GAB2: variants seen among roughly 807,000 people sequenced by gnomAD.
GAB2 encodes the protein GRB2-associated-binding protein 2.
Under a neutral mutation model 65.5 loss-of-function variants are expected in GAB2, and 26 were observed. The ratio of observed to expected loss-of-function variants is 0.40; its 90% CI spans 0.29 to 0.55. The LOEUF (loss-of-function observed/expected upper bound fraction) is 0.55, where lower values mean the gene tolerates loss of function less well. Among genes scored for constraint, GAB2 ranks in the 20% least tolerant of loss-of-function variants. The probability of loss-of-function intolerance (pLI) is 0.53; values close to 1 mark genes in which losing one functional copy is unlikely to be tolerated. For missense variants in GAB2, 884 were observed against 875.8 expected, an observed-to-expected ratio of 1.01 and a Z score of -0.12; for synonymous variants, 321 against 329.6, an observed-to-expected ratio of 0.97 and a Z score of 0.28.
At chr11:78,364,734 A>G (rs1672236455) in intron 1 of GAB2, among the ~76,000 whole-genome samples, 1 of 152,200 alleles carries the variant, frequency 6.6e-6, no homozygotes, top group African/African-American at 2.4e-5. Flanking sequence ...AAGTTCTTCA[A>G]AAAAGCATAA....
chr11:78,260,558 G>A (rs759849996), intron 2 of GAB2, among the ~76,000 whole-genome samples: 12 of 150,642 alleles, frequency 8.0e-5, no homozygotes, highest in Non-Finnish European at 1.6e-4. Flanking sequence ...TGAAACCTCC[G>A]CCTTCTGGGT....
intron 1 of GAB2, among the ~76,000 whole-genome samples, chr11:78,383,918 G>A (rs1352399627): frequency 1.3e-5 from 2 of 152,116 alleles, no homozygotes; most frequent in African/African-American, 4.8e-5. Context: ...GCGGGCTTTC[G>A]TGACATTGCT....
chr11:78,303,981 G>A (rs1295364781), intron 1 of GAB2, among the ~76,000 whole-genome samples: 1 of 152,088 alleles, frequency 6.6e-6, no homozygotes, highest in East Asian at 1.9e-4. Context: ...GTGAAAATCA[G>A]GGCAAAGTTG....
At chr11:78,358,483 CAA>C (rs59495222) in intron 1 of GAB2, among the ~76,000 whole-genome samples, 10 of 106,220 alleles carry the variant, frequency 9.4e-5, no homozygotes, top group Admixed American at 1.9e-4. Flanking sequence ...ATAAAGTGAC[CAA>C]AAAAAAAAAA....
At position 78,231,339 on chromosome 11, in the gene GAB2, GTGT is replaced by G. The variant is rs1565117469; in HGVS notation, c.621-4291_621-4289del. On this transcript the variant is annotated intron_variant, in intron 3 of 9. Transcript: ENST00000361507. ...TGGTGCGCGCGCGCGCGTGTGTGGT[GTGT>G]GTGTGTGTGTGTGTGTGTGTGTGTG... 3.1e-3 allele frequency among the ~76,000 whole-genome samples: 457 copies of G among 149,398 alleles called. 3 individuals carry two copies. Among genetic ancestry groups the G allele is most frequent in the African/African-American group, 0.011 (445 of 40,746 alleles).
At chr11:78,355,386 G>C (rs1856343345) in intron 1 of GAB2, among the ~76,000 whole-genome samples, 1 of 152,152 alleles carries the variant, frequency 6.6e-6, no homozygotes, top group African/African-American at 2.4e-5. Flanking sequence ...GGAGAGACAG[G>C]AGTGAAATAG....
intron 1 of GAB2, among the ~76,000 whole-genome samples, chr11:78,320,203 T>C (rs1447545509): frequency 1.3e-5 from 2 of 152,140 alleles, no homozygotes; most frequent in Non-Finnish European, 1.5e-5. Flanking sequence ...AAAACAATTT[T>C]ATTTTCTTTT....
intron 2 of GAB2, among the ~76,000 whole-genome samples, chr11:78,278,404 A>T (rs1261039418): frequency 2.0e-5 from 3 of 147,472 alleles, no homozygotes; most frequent in Non-Finnish European, 4.5e-5. Context: ...GTTTTTTGAG[A>T]CAGGGTCTCC....
At chr11:78,239,409 CAG>C (rs1452400326) in intron 3 of GAB2, among the ~76,000 whole-genome samples, 1 of 152,072 alleles carries the variant, frequency 6.6e-6, no homozygotes, top group Non-Finnish European at 1.5e-5. Flanking sequence ...TTAGTAGAGA[CAG>C]GGTTTTACCA....
In GAB2 at chr11:78,226,401, A is replaced by G. The variant is rs116151206; in HGVS notation, c.1207+64T>C. 3.6e-3 allele frequency: 4,701 copies of G among 1,297,048 alleles called. 144 individuals are homozygous for G. In the African/African-American group the frequency reaches 0.062, roughly 17 times the overall value. 80.3% of individuals were successfully genotyped at this position (1,297,048 alleles called of 1,614,324 possible). ...GGCCATGGATGACCAAGGACCATCA[A>G]ACTATTGAGAACCCCTGTGTTACCT... On this transcript the variant is annotated intron_variant, in intron 4 of 9. Coordinates refer to ENST00000361507, the MANE Select transcript of GAB2 (RefSeq NM_080491.3).
At chr11:78,261,586 G>A (rs2511157) in intron 2 of GAB2, among the ~76,000 whole-genome samples, 23,782 of 152,062 alleles carry the variant, frequency 0.16, 2,393 homozygotes, top group East Asian at 0.4. Context: ...CCTTAGCTGC[G>A]GCAGACCCTT....
intron 1 of GAB2, among the ~76,000 whole-genome samples, chr11:78,409,881 A>G (rs1476936119): frequency 6.6e-6 from 1 of 152,202 alleles, no homozygotes; most frequent in Non-Finnish European, 1.5e-5. Context: ...GCAATAAAAT[A>G]AACCTTGACA....
rs766355207 is a variant in GAB2, at chr11:78,219,441, G to A, written c.1888-26C>T. The A allele has an allele frequency of 9.9e-6, 16 of 1,610,266 alleles. No individual in the cohort carries two copies. The South Asian group carries it at 1.8e-4, about 18-fold the overall frequency. On this transcript the variant is annotated intron_variant, in intron 9 of 9. Transcript: ENST00000361507. ...CTGAGGGGACAGAGTGGGAAAGAGG[G>A]AGTAGCTGTGAGTTACCAGTTAGGT... is the stretch of plus-strand genomic sequence containing the variant.
Position 78,256,554 on chromosome 11 carries a change from C to T in GAB2, c.377-6154G>A, listed in dbSNP as rs116464486. On this transcript the variant is annotated intron_variant, in intron 2 of 9. Coordinates refer to ENST00000361507, the MANE Select transcript of GAB2 (RefSeq NM_080491.3). The stretch of plus-strand genomic sequence containing the variant: ...ACTCCCAGTGAGTGAACCTCATGCA[C>T]GGGACAGAAGTCAAGAGACCAGGAA... Among the ~76,000 whole-genome samples, 1,343 of 152,266 alleles carry T rather than the reference C, an allele frequency of 8.8e-3. 21 individuals carry two copies. Among genetic ancestry groups the T allele is most frequent in the African/African-American group, 0.03 (1,264 of 41,562 alleles).
intron 2 of GAB2, among the ~76,000 whole-genome samples, chr11:78,250,775 A>G (rs1258185291): frequency 6.6e-6 from 1 of 152,214 alleles, no homozygotes; most frequent in East Asian, 1.9e-4. Context: ...TGCTGTGGTC[A>G]AAGGATGAAA....
chr11:78,280,807 G>C lies in GAB2; in HGVS notation c.170C>G (p.Pro57Arg). 1.2e-6 allele frequency: 2 copies of C among 1,614,086 alleles called. No individual in the cohort carries two copies. Among genetic ancestry groups the C allele is most frequent in the Non-Finnish European group, 1.7e-6 (2 of 1,179,924 alleles). ...EYYKNDHSKK[P>R]LRIINLNFCE... ...GAAGTTCAGGTTGATGATCCGCAGA[G>C]GCTTCTTGGAGTGATCGTTCTTGTA... The change falls in exon 2 of 10, where the codon CCT becomes CGT. Residue 57 changes from proline (P) to arginine (R), a missense_variant. Transcript: ENST00000361507.
chr11:78,286,862 A>C (rs906861492), intron 1 of GAB2, among the ~76,000 whole-genome samples: 1 of 152,182 alleles, frequency 6.6e-6, no homozygotes, highest in Non-Finnish European at 1.5e-5. Flanking sequence ...TTGCTGTTGG[A>C]TTACTGACAC....
At chr11:78,330,195 G>C (rs1855892003) in intron 1 of GAB2, among the ~76,000 whole-genome samples, 1 of 152,126 alleles carries the variant, frequency 6.6e-6, no homozygotes, top group Non-Finnish European at 1.5e-5. Context: ...GGTCACCTAT[G>C]GAGTTCTTAA....
chr11:78,304,607 T>TGATG (rs1237965075), intron 1 of GAB2, among the ~76,000 whole-genome samples: 3 of 152,202 alleles, frequency 2.0e-5, no homozygotes, highest in Non-Finnish European at 4.4e-5. Flanking sequence ...TTTCAACCAG[T>TGATG]GATGAAGTGC....
Sources: allele counts gnomAD v4.1 joint callset (sites outside exome capture counted in the v4.1 genomes callset), GRCh38; gene constraint gnomAD v4.1.1; transcripts MANE v1.5; gene names NCBI Gene and HGNC (gene_info 2026-07-23, HGNC 2026-07-21).